DDX25: variants seen among roughly 807,000 people sequenced by gnomAD.
DDX25 encodes DEAD-box helicase 25, also known as ATP-dependent RNA helicase DDX25.
In DDX25, 70 loss-of-function variants were observed where a neutral mutation model predicts 64.6. The observed-to-expected ratio is 1.08, with a 90% CI of 0.89 to 1.32. The LOEUF is 1.32. DDX25 is among the 40% of genes most tolerant of loss of function. The pLI, the probability that DDX25 is intolerant of heterozygous loss-of-function variation, is 0.00. For missense variants in DDX25, 587 were observed against 604.4 expected, an observed-to-expected ratio of 0.97 and a Z score of 0.30; for synonymous variants, 211 against 213.3, an observed-to-expected ratio of 0.99 and a Z score of 0.09.
chr11:125,915,904 A>G (rs478545), intron 8 of DDX25, among the ~76,000 whole-genome samples: 101,189 of 152,092 alleles, frequency 0.67, 33,852 homozygotes, highest in Admixed American at 0.73. Flanking sequence ...ATGTATTTAG[A>G]TAACTTATCC....
rs1018730931 is a variant in DDX25, at chr11:125,924,405, A to AAGCC, written c.*1528_*1531dup. ...GAGCCTAATGGCAGAGACCTAGAAT[A>AAGCC]AGCCAGCATGATAACAGACTGTGCT... On this transcript the variant is annotated 3_prime_UTR_variant, in exon 12 of 12. Transcript: ENST00000263576. 1 of 152,276 alleles carries AAGCC rather than the reference A, an allele frequency of 6.6e-6. No individual in the cohort carries two copies. The highest frequency in any genetic ancestry group is 1.5e-5 in the Non-Finnish European group (1 of 68,108). The allele number at this position is 152,276 out of a possible 1,614,324, so 9.4% of individuals were successfully genotyped here. A position where few individuals can be genotyped will look rare whatever the true frequency, so the allele number is the denominator to read the frequency against.
chr11:125,905,505 G>T (rs372647635), intron 2 of DDX25, 48 bp from the exon 3 acceptor site: 71 of 1,529,634 alleles, frequency 4.6e-5, no homozygotes, highest in Non-Finnish European at 6.0e-5. Context: ...TTACATTTGT[G>T]CTCAGCATTT....
At chr11:125,910,580 G>T (rs1944953907) in intron 7 of DDX25, 102 bp downstream of exon 7, 5 of 945,848 alleles carry the variant, frequency 5.3e-6, no homozygotes, top group Admixed American at 2.0e-5. Flanking sequence ...CTAAATGGGG[G>T]AAATAATACC....
At chr11:125,908,670 G>A (rs185660273) in intron 6 of DDX25, among the ~76,000 whole-genome samples, 167 bp downstream of exon 6, 2 of 152,316 alleles carry the variant, frequency 1.3e-5, no homozygotes, top group East Asian at 3.9e-4. Context: ...GGACAGTGAT[G>A]GAGAGGACAG....
At chr11:125,919,569 T>C (rs55650722) in intron 10 of DDX25, among the ~76,000 whole-genome samples, 3,804 of 146,126 alleles carry the variant, frequency 0.026, 71 homozygotes, top group African/African-American at 0.048. Context: ...TTTTTTTTTT[T>C]TCAAGAGAAG....
intron 11 of DDX25, 88 bp from the exon 12 acceptor site, chr11:125,922,732 G>A: frequency 8.1e-7 from 1 of 1,239,108 alleles, no homozygotes; most frequent in Admixed American, 2.4e-5. Context: ...TTTTATACGA[G>A]GTATCACTGT....
chr11:125,918,925 C>A, intron 10 of DDX25, 135 bp downstream of exon 10: 1 of 1,099,518 alleles, frequency 9.1e-7, no homozygotes, highest in Non-Finnish European at 1.3e-6. Flanking sequence ...CAGAGCATCT[C>A]CATCTCCCCA....
chr11:125,917,349 C>A, intron 9 of DDX25, 98 bp downstream of exon 9: 1 of 1,129,258 alleles, frequency 8.9e-7, no homozygotes, highest in Non-Finnish European at 1.3e-6. Context: ...CCATGTTCAG[C>A]ACTTCTTGTG....
intron 9 of DDX25, 123 bp from the exon 10 acceptor site, chr11:125,918,504 AG>A: frequency 7.9e-7 from 1 of 1,269,604 alleles, no homozygotes; most frequent in East Asian, 2.5e-5. Flanking sequence ...ACTGAGGGAG[AG>A]GTGAAGCTCA....
upstream of DDX25, chr11:125,904,473 C>G (rs554922129): frequency 2.8e-5 from 40 of 1,450,986 alleles, 1 homozygote; most frequent in Admixed American, 8.3e-4. Flanking sequence ...CGCCTCGCGC[C>G]GGTGGTGGAA....
intron 2 of DDX25, 41 bp from the exon 3 acceptor site, chr11:125,905,512 A>G: frequency 2.6e-6 from 4 of 1,539,410 alleles, no homozygotes; most frequent in Non-Finnish European, 1.8e-6. Flanking sequence ...TGTGCTCAGC[A>G]TTTGTCTTTA....
rs1476756886 is a variant in DDX25, at chr11:125,927,497, A to C, written c.*4616A>C. Reference sequence around the variant, plus strand: ...CTTTGGGAATTAACCTTTGCCCATAATTATTTCTGTTCAGTAGAATAACCA... The same window carrying C: ...CTTTGGGAATTAACCTTTGCCCATACTTATTTCTGTTCAGTAGAATAACCA... On this transcript the variant is annotated 3_prime_UTR_variant, in exon 12 of 12. Transcript: ENST00000263576. 6.6e-6 allele frequency: 1 copy of C among 152,212 alleles called. No individual in the cohort carries two copies. The highest frequency in any genetic ancestry group is 6.6e-5 in the Admixed American group (1 of 15,266). The allele number at this position is 152,212 out of a possible 1,614,324, so 9.4% of individuals were successfully genotyped here.
chr11:125,905,490 A>G, intron 2 of DDX25, 63 bp from the exon 3 acceptor site: 1 of 1,507,920 alleles, frequency 6.6e-7, no homozygotes, highest in Non-Finnish European at 9.0e-7. Context: ...ATTGAATAGC[A>G]TGCTTTACAT....
Position 125,923,856 on chromosome 11 carries a change from C to CA in DDX25, c.*976dup. 1 of 152,304 alleles carries CA rather than the reference C, an allele frequency of 6.6e-6. No homozygotes were observed. Among genetic ancestry groups the CA allele is most frequent in the East Asian group, 1.9e-4 (1 of 5,176 alleles). The allele number at this position is 152,304 out of a possible 1,614,324, so 9.4% of individuals were successfully genotyped here. A position where few individuals can be genotyped will look rare whatever the true frequency, so the allele number is the denominator to read the frequency against. On this transcript the variant is annotated 3_prime_UTR_variant, in exon 12 of 12. Coordinates refer to ENST00000263576, the MANE Select transcript of DDX25 (RefSeq NM_013264.5). ...CGGCACCAAACTGCACCAGTGGCTGCAGTGAGTGGCCCTGTCATCGGTGGC... is the reference window on the plus strand; with the variant it reads ...CGGCACCAAACTGCACCAGTGGCTGCAAGTGAGTGGCCCTGTCATCGGTGGC...
intron 7 of DDX25, 84 bp downstream of exon 7, chr11:125,910,562 TCTCATC>T: frequency 8.6e-7 from 1 of 1,167,984 alleles, no homozygotes. Context: ...TTCTTGGCAT[TCTCATC>T]TCTAAATGGG....
In DDX25 at chr11:125,928,786, T is replaced by C. The variant is rs1945188521; in HGVS notation, c.*5905T>C. On this transcript the variant is annotated 3_prime_UTR_variant, in exon 12 of 12. Coordinates refer to ENST00000263576, the MANE Select transcript of DDX25 (RefSeq NM_013264.5). The stretch of plus-strand genomic sequence containing the variant: ...TCCTTGTCAAGTTGTGTGAAATATA[T>C]GTGTGAATTTATTTTTCCAAATAAA... 6.6e-6 allele frequency: 1 copy of C among 152,254 alleles called. No individual in the cohort carries two copies. The highest frequency in any genetic ancestry group is 1.5e-5 in the Non-Finnish European group (1 of 68,038). The allele number at this position is 152,254 out of a possible 1,614,324, so 9.4% of individuals were successfully genotyped here. A position where few individuals can be genotyped will look rare whatever the true frequency, so the allele number is the denominator to read the frequency against.
chr11:125,923,122 G>T lies in DDX25; in HGVS notation c.*241G>T. 2.1e-6 allele frequency: 1 copy of T among 480,200 alleles called. No homozygotes were observed. The highest frequency in any genetic ancestry group is 3.7e-6 in the Non-Finnish European group (1 of 269,138). 29.7% of individuals were successfully genotyped at this position (480,200 alleles called of 1,614,324 possible). On this transcript the variant is annotated 3_prime_UTR_variant, in exon 12 of 12. Coordinates refer to ENST00000263576, the MANE Select transcript of DDX25 (RefSeq NM_013264.5). ...ATTTCTTATTCTAATCTTTGTACAG[G>T]TAATGTCTCAATGTGGGCTATGGGG...
Position 125,923,923 on chromosome 11 carries a change from T to C in DDX25, c.*1042T>C, listed in dbSNP as rs1251406087. ...TATCTATTTTGATATCCCTCTTCCA[T>C]GTCACCCTGCCCATGTTTTCTCCCG... On this transcript the variant is annotated 3_prime_UTR_variant, in exon 12 of 12. Transcript: ENST00000263576. 3 of 152,212 alleles carry C rather than the reference T, an allele frequency of 2.0e-5. No individual in the cohort carries two copies. The East Asian group carries it at 5.8e-4, about 29-fold the overall frequency. The allele number at this position is 152,212 out of a possible 1,614,324, so 9.4% of individuals were successfully genotyped here. A position where few individuals can be genotyped will look rare whatever the true frequency, so the allele number is the denominator to read the frequency against.
rs1418042581 is a variant in DDX25, at chr11:125,908,268, C to T, written c.384C>T (p.Leu128=). The T allele has an allele frequency of 1.2e-6, 2 of 1,613,708 alleles. No individual in the cohort carries two copies. Among genetic ancestry groups the T allele is most frequent in the Non-Finnish European group, 8.5e-7 (1 of 1,179,804 alleles). The part of the protein sequence containing the change: ...NRPSKIQEMA[L]PMMLAHPPQN... ...CATCTAAAATCCAAGAGATGGCTCT[C>T]CCTATGATGCTGGCACATCCGTGAG... The change falls in exon 5 of 12, where the codon CTC becomes CTT. Residue 128 remains leucine (L), a synonymous_variant. Coordinates refer to ENST00000263576, the MANE Select transcript of DDX25 (RefSeq NM_013264.5).
Sources: gnomAD v4.1 joint callset for allele counts (sites outside exome capture counted in the v4.1 genomes callset) on GRCh38, gnomAD v4.1.1 for gene constraint, MANE v1.5 for transcripts, NCBI Gene and HGNC (gene_info 2026-07-23, HGNC 2026-07-21) for gene names.